Variants in SSBP2 observed in about 807,000 individuals in gnomAD.
SSBP2 encodes the protein single-stranded DNA-binding protein 2.
A neutral mutation model predicts 61.8 loss-of-function variants in SSBP2; 17 were observed. The observed-to-expected ratio is 0.28, with a 90% CI of 0.19 to 0.41. The LOEUF (loss-of-function observed/expected upper bound fraction) is 0.41, where lower values mean the gene tolerates loss of function less well. Ranked by LOEUF, SSBP2 falls within the 10% of genes least tolerant of loss-of-function variation. The pLI is 1.00. For synonymous variants in SSBP2, 139 were observed against 141.3 expected, an observed-to-expected ratio of 0.98 and a Z score of 0.12; for missense variants, 310 against 458.7, an observed-to-expected ratio of 0.68 and a Z score of 2.96.
chr5:81,559,139 G>T (rs962560439), intron 4 of SSBP2, among the ~76,000 whole-genome samples: 2 of 151,924 alleles, frequency 1.3e-5, no homozygotes, highest in African/African-American at 4.8e-5. Flanking sequence ...TGTAATCCCA[G>T]CACTTTGAGA....
intron 4 of SSBP2, among the ~76,000 whole-genome samples, chr5:81,517,256 GT>G (rs1457291917): frequency 6.6e-6 from 1 of 151,708 alleles, no homozygotes; most frequent in East Asian, 1.9e-4. Flanking sequence ...ATCATTAAAA[GT>G]TGTTTTGTTT....
intron 3 of SSBP2, among the ~76,000 whole-genome samples, chr5:81,631,235 C>T: frequency 6.6e-6 from 1 of 152,190 alleles, no homozygotes; most frequent in Admixed American, 6.5e-5. Context: ...TCCTGCCCTA[C>T]ATATGTGAGA....
chr5:81,413,886 G>A lies in SSBP2; in HGVS notation c.*6618C>T, dbSNP rs988580559. 6.6e-6 allele frequency: 1 copy of A among 152,104 alleles called. No individual in the cohort carries two copies. Among genetic ancestry groups the A allele is most frequent in the African/African-American group, 2.4e-5 (1 of 41,440 alleles). 9.4% of individuals were successfully genotyped at this position (152,104 alleles called of 1,614,324 possible). A position where few individuals can be genotyped will look rare whatever the true frequency, so the allele number is the denominator to read the frequency against. Reference sequence around the variant, plus strand: ...CTGAGCAATTTTACCAAGACATGATGGAAAGTTAGCTGACAAATATCATAT... The same window carrying A: ...CTGAGCAATTTTACCAAGACATGATAGAAAGTTAGCTGACAAATATCATAT... On this transcript the variant is annotated 3_prime_UTR_variant, in exon 17 of 17. Transcript: ENST00000320672.
intron 3 of SSBP2, among the ~76,000 whole-genome samples, chr5:81,635,071 G>T (rs1054059040): frequency 1.3e-5 from 2 of 152,218 alleles, no homozygotes; most frequent in African/African-American, 4.8e-5. Flanking sequence ...CACTGAGTAA[G>T]TATTTGTTGA....
chr5:81,526,949 A>G (rs926419609), intron 4 of SSBP2, among the ~76,000 whole-genome samples: 1 of 151,988 alleles, frequency 6.6e-6, no homozygotes, highest in Admixed American at 6.6e-5. Flanking sequence ...CCAAAAAACC[A>G]AACAAACCAA....
At chr5:81,681,519 CA>C (rs35721340) in intron 1 of SSBP2, among the ~76,000 whole-genome samples, 46,705 of 106,806 alleles carry the variant, frequency 0.44, 7,513 homozygotes, top group Middle Eastern at 0.61. Flanking sequence ...GGCTCCACCT[CA>C]AAAAAAAAAA....
chr5:81,732,256 A>G (rs900840420), intron 1 of SSBP2, among the ~76,000 whole-genome samples: 1 of 152,118 alleles, frequency 6.6e-6, no homozygotes, highest in African/African-American at 2.4e-5. Context: ...TCTTTTTTCA[A>G]AATGAAGTGG....
Position 81,629,771 on chromosome 5 carries a change from A to G in SSBP2, c.197+6786T>C, listed in dbSNP as rs558029880. ...TACAATGTGAAGTTTTGATATACATATACTTTGGAAAATGATTACCAAAAT... is the reference window on the plus strand; with the variant it reads ...TACAATGTGAAGTTTTGATATACATGTACTTTGGAAAATGATTACCAAAAT... On this transcript the variant is annotated intron_variant, in intron 3 of 16. Coordinates refer to ENST00000320672, the MANE Select transcript of SSBP2 (RefSeq NM_012446.5). 3.9e-5 allele frequency among the ~76,000 whole-genome samples: 6 copies of G among 152,376 alleles called. No individual in the cohort carries two copies. The South Asian group carries it at 1.2e-3, about 32-fold the overall frequency.
At chr5:81,581,255 T>C (rs1261216300) in intron 4 of SSBP2, among the ~76,000 whole-genome samples, 1 of 152,136 alleles carries the variant, frequency 6.6e-6, no homozygotes, top group Non-Finnish European at 1.5e-5. Flanking sequence ...GGAATAACCA[T>C]GAGCATATAA....
chr5:81,693,005 A>G (rs1753322213), intron 1 of SSBP2, among the ~76,000 whole-genome samples: 1 of 152,012 alleles, frequency 6.6e-6, no homozygotes, highest in Admixed American at 6.6e-5. Context: ...GGAGATGGAG[A>G]CCATCCTGGC....
At chr5:81,564,724 A>G (rs910634896) in intron 4 of SSBP2, among the ~76,000 whole-genome samples, 1 of 152,190 alleles carries the variant, frequency 6.6e-6, no homozygotes, top group African/African-American at 2.4e-5. Context: ...TGCAAAATTA[A>G]ATTATGAAGT....
intron 5 of SSBP2, among the ~76,000 whole-genome samples, chr5:81,512,082 C>T (rs1768653074): frequency 6.6e-6 from 1 of 152,170 alleles, no homozygotes; most frequent in Admixed American, 6.5e-5. Context: ...CTTTCAGTAA[C>T]TCTCAAATAT....
intron 4 of SSBP2, among the ~76,000 whole-genome samples, chr5:81,613,280 C>T (rs1353374633): frequency 6.6e-6 from 1 of 151,936 alleles, no homozygotes; most frequent in African/African-American, 2.4e-5. Context: ...TTTTTCTAAA[C>T]TATATTTTCC....
At chr5:81,538,919 T>C (rs1349906356) in intron 4 of SSBP2, among the ~76,000 whole-genome samples, 1 of 152,202 alleles carries the variant, frequency 6.6e-6, no homozygotes, top group Non-Finnish European at 1.5e-5. Flanking sequence ...ACTGATGTTG[T>C]TTTCCTGACT....
At chr5:81,573,368 T>C (rs1773971809) in intron 4 of SSBP2, among the ~76,000 whole-genome samples, 2 of 152,240 alleles carry the variant, frequency 1.3e-5, no homozygotes, top group South Asian at 4.1e-4. Context: ...CTTTTGCCAA[T>C]GTCGAAAGCA....
At chr5:81,632,194 C>T (rs1426371612) in intron 3 of SSBP2, among the ~76,000 whole-genome samples, 1 of 152,182 alleles carries the variant, frequency 6.6e-6, no homozygotes, top group African/African-American at 2.4e-5. Context: ...TAGTGTTCAT[C>T]ATTATTAAAT....
intron 16 of SSBP2, among the ~76,000 whole-genome samples, chr5:81,424,169 T>C (rs1298035428): frequency 3.9e-5 from 6 of 152,130 alleles, no homozygotes; most frequent in Non-Finnish European, 7.4e-5. Flanking sequence ...GTCACGCCTG[T>C]AATCTCAGCA....
intron 4 of SSBP2, among the ~76,000 whole-genome samples, chr5:81,599,728 T>C (rs1265397163): frequency 1.3e-5 from 2 of 152,224 alleles, no homozygotes; most frequent in African/African-American, 2.4e-5. Flanking sequence ...TCATTAAATA[T>C]GTATCGAGGG....
intron 1 of SSBP2, among the ~76,000 whole-genome samples, chr5:81,705,182 A>G (rs1378183086): frequency 1.3e-5 from 2 of 152,194 alleles, no homozygotes; most frequent in Non-Finnish European, 1.5e-5. Flanking sequence ...TATAGTGCCT[A>G]TATATGTGAA....
Sources: allele counts gnomAD v4.1 joint callset (sites outside exome capture counted in the v4.1 genomes callset), GRCh38; gene constraint gnomAD v4.1.1; transcripts MANE v1.5; gene names NCBI Gene and HGNC (gene_info 2026-07-23, HGNC 2026-07-21).